The following DAB1 variants were observed in gnomAD, a reference collection of about 807,000 sequenced individuals.
DAB1 encodes the protein disabled homolog 1.
In DAB1, 15 loss-of-function variants were observed where a neutral mutation model predicts 64.6. The ratio of observed to expected loss-of-function variants is 0.23; its 90% CI spans 0.16 to 0.36. The LOEUF (loss-of-function observed/expected upper bound fraction) is 0.36. DAB1 is among the 10% of genes least tolerant of loss of function. DAB1 has a pLI of 1.00. For missense variants in DAB1, 596 were observed against 706.7 expected (o/e 0.84, Z 1.78); for synonymous variants, 235 against 251.9 (o/e 0.93, Z 0.64).
intron 1 of DAB1, among the ~76,000 whole-genome samples, chr1:57,379,780 C>G (rs1681208828): frequency 6.6e-6 from 1 of 152,154 alleles, no homozygotes; most frequent in East Asian, 1.9e-4. Flanking sequence ...TGATTTACCT[C>G]TCTCAGCATT....
intron 6 of DAB1, among the ~76,000 whole-genome samples, chr1:57,781,591 C>T (rs1650100723): frequency 6.6e-6 from 1 of 151,450 alleles, no homozygotes. Flanking sequence ...CTAAGTAACA[C>T]AGTTGTGTAA....
intron 2 of DAB1, among the ~76,000 whole-genome samples, chr1:57,160,260 G>T (rs760542235): frequency 6.6e-5 from 10 of 152,168 alleles, no homozygotes; most frequent in Non-Finnish European, 1.5e-4. Context: ...TAAACAATAT[G>T]TAAGTTCTTT....
At chr1:57,365,501 G>A (rs1408537054) in intron 1 of DAB1, among the ~76,000 whole-genome samples, 1 of 150,284 alleles carries the variant, frequency 6.7e-6, no homozygotes, top group Non-Finnish European at 1.5e-5. Context: ...GAGTCTAAAG[G>A]GCCCTAATAT....
rs187717534 is a variant in DAB1, at chr1:57,015,171, G to T, written c.1156C>A (p.Pro386Thr). The T allele has an allele frequency of 1.2e-6, 2 of 1,614,028 alleles. No individual in the cohort carries two copies. Among genetic ancestry groups the T allele is most frequent in the South Asian group, 1.1e-5 (1 of 91,084 alleles). ...CTCGTGCCTGGGACGGTGGCAAGGG[G>T]GGTGAGGGGACCTTGGAACATGGCA... is the stretch of plus-strand genomic sequence containing the variant. Reference protein sequence around the residue: ...PAAMFQGPLTPLATVPGTSDS... With the variant: ...PAAMFQGPLTTLATVPGTSDS... The change falls in exon 12 of 15, where the codon CCC becomes ACC. Residue 386 changes from proline (P) to threonine (T), a missense_variant. Physicochemically the swap from Pro to Thr is conservative, Grantham distance 38. This residue lies in a region of DAB1 where 377 missense variants were observed against 400.4 expected (regional missense o/e 0.94). Transcript: ENST00000371236.
At chr1:57,276,082 G>A (rs1248309926) in intron 2 of DAB1, among the ~76,000 whole-genome samples, 1 of 152,222 alleles carries the variant, frequency 6.6e-6, no homozygotes, top group African/African-American at 2.4e-5. Context: ...TAAATTGTGA[G>A]GTTTAGTGAA....
At chr1:57,919,709 G>A (rs1644781550) in intron 5 of DAB1, among the ~76,000 whole-genome samples, 1 of 152,176 alleles carries the variant, frequency 6.6e-6, no homozygotes, top group Admixed American at 6.5e-5. Context: ...AAGTTTACAG[G>A]AGATAATAAA....
chr1:58,309,045 G>A (rs758918435), intron 4 of DAB1, among the ~76,000 whole-genome samples: 13 of 152,176 alleles, frequency 8.5e-5, no homozygotes, highest in Non-Finnish European at 1.6e-4. Flanking sequence ...GACTGGAATT[G>A]AGCTGAAGAA....
intron 5 of DAB1, among the ~76,000 whole-genome samples, chr1:57,991,305 T>C (rs561804209): frequency 1.3e-5 from 2 of 152,192 alleles, no homozygotes; most frequent in African/African-American, 4.8e-5. Context: ...ACCTAAAATT[T>C]CAGTCAACTT....
At chr1:57,867,682 T>G (rs1271402548) in intron 1 of DAB1, among the ~76,000 whole-genome samples, 1 of 152,148 alleles carries the variant, frequency 6.6e-6, no homozygotes, top group Non-Finnish European at 1.5e-5. Flanking sequence ...CTCTCCATTT[T>G]TCTAGATAAA....
intron 4 of DAB1, among the ~76,000 whole-genome samples, chr1:58,245,904 G>A (rs998385780): frequency 1.1e-4 from 16 of 152,048 alleles, no homozygotes; most frequent in African/African-American, 3.4e-4. Context: ...ATACAGTATC[G>A]TATAAGGTAT....
chr1:57,105,023 G>T (rs866332973), intron 4 of DAB1, among the ~76,000 whole-genome samples: 1 of 152,046 alleles, frequency 6.6e-6, no homozygotes, highest in South Asian at 2.1e-4. Context: ...TCCAACATTT[G>T]TACACAAATG....
intron 1 of DAB1, among the ~76,000 whole-genome samples, chr1:57,337,307 T>C: frequency 6.6e-6 from 1 of 152,208 alleles, no homozygotes; most frequent in Non-Finnish European, 1.5e-5. Context: ...TTATCCCCTT[T>C]ATTTCTCTGA....
At chr1:57,720,868 G>C (rs1363843925) in intron 6 of DAB1, among the ~76,000 whole-genome samples, 2 of 152,166 alleles carry the variant, frequency 1.3e-5, no homozygotes, top group African/African-American at 4.8e-5. Context: ...TTCAGTCAAA[G>C]TAGGAAAATC....
chr1:58,244,161 G>T (rs1375968953), intron 4 of DAB1, among the ~76,000 whole-genome samples: 1 of 152,138 alleles, frequency 6.6e-6, no homozygotes, highest in Non-Finnish European at 1.5e-5. Context: ...GGAAATACGG[G>T]ATTGTTTTGA....
intron 6 of DAB1, among the ~76,000 whole-genome samples, chr1:57,781,124 C>CTA (rs1650069598): frequency 2.6e-4 from 10 of 38,892 alleles, no homozygotes; most frequent in East Asian, 1.1e-3. Flanking sequence ...CTCTCTCTCT[C>CTA]TCTATATATA....
chr1:58,309,808 G>A (rs995295767), intron 4 of DAB1, among the ~76,000 whole-genome samples: 4 of 152,042 alleles, frequency 2.6e-5, no homozygotes, highest in African/African-American at 9.7e-5. Flanking sequence ...TGTGTGGATG[G>A]ACAGGAGGAG....
chr1:57,909,031 C>T (rs994944305), intron 5 of DAB1, among the ~76,000 whole-genome samples: 3 of 152,154 alleles, frequency 2.0e-5, no homozygotes, highest in African/African-American at 7.2e-5. Context: ...AAGACATCAT[C>T]GAAGAGAGTG....
chr1:57,669,430 G>C (rs972426543), intron 6 of DAB1, among the ~76,000 whole-genome samples: 2 of 152,046 alleles, frequency 1.3e-5, no homozygotes, highest in Non-Finnish European at 2.9e-5. Flanking sequence ...ATTCCTTACA[G>C]GACTCTGGGC....
intron 7 of DAB1, among the ~76,000 whole-genome samples, chr1:57,495,897 C>T (rs1313142317): frequency 6.6e-6 from 1 of 152,132 alleles, no homozygotes; most frequent in African/African-American, 2.4e-5. Flanking sequence ...TTTTTATCCC[C>T]ACGTTCATTT....
Sources: gnomAD v4.1 joint callset for allele counts (sites outside exome capture counted in the v4.1 genomes callset) on GRCh38, gnomAD v4.1.1 for gene constraint, gnomAD v4.1.1 regional missense constraint, MANE v1.5 for transcripts, NCBI Gene and HGNC (gene_info 2026-07-23, HGNC 2026-07-21) for gene names.